Variants in BMPR2 observed in about 807,000 individuals in gnomAD.
BMPR2 encodes bone morphogenetic protein receptor type-2.
In BMPR2, 29 loss-of-function variants were observed where a neutral mutation model predicts 100.8. That is an observed-to-expected ratio of 0.29 (90% CI 0.21 to 0.39). The LOEUF (loss-of-function observed/expected upper bound fraction) is 0.39, where lower values mean the gene tolerates loss of function less well. Ranked by LOEUF, BMPR2 falls within the 10% of genes least tolerant of loss-of-function variation. The probability of loss-of-function intolerance (pLI) is 1.00; values close to 1 mark genes in which losing one functional copy is unlikely to be tolerated. For synonymous variants in BMPR2, 382 were observed against 442.3 expected, an observed-to-expected ratio of 0.86 and a Z score of 1.71; for missense variants, 1,011 against 1,274.5, an observed-to-expected ratio of 0.79 and a Z score of 3.15.
intron 3 of BMPR2, among the ~76,000 whole-genome samples, chr2:202,506,666 C>T (rs1328729086): frequency 4.0e-5 from 6 of 151,794 alleles, no homozygotes; most frequent in South Asian, 4.2e-4. Context: ...TTTGGGAGGC[C>T]GAGGCGGGTG....
intron 1 of BMPR2, among the ~76,000 whole-genome samples, chr2:202,385,361 CTTTTTT>C (rs1161944548): frequency 1.2e-5 from 1 of 86,338 alleles, no homozygotes; most frequent in South Asian, 3.8e-4. Context: ...AAAAAAGATG[CTTTTTT>C]TTTTTTTTTT....
chr2:202,491,587 C>T (rs1168805897), intron 3 of BMPR2, among the ~76,000 whole-genome samples: 1 of 152,020 alleles, frequency 6.6e-6, no homozygotes, highest in African/African-American at 2.4e-5. Context: ...CTACACCCAG[C>T]TAATTTTTGT....
At chr2:202,462,857 G>A (rs984268350) in intron 1 of BMPR2, among the ~76,000 whole-genome samples, 2 of 151,868 alleles carry the variant, frequency 1.3e-5, no homozygotes, top group African/African-American at 4.8e-5. Flanking sequence ...GATTACAGGC[G>A]TACACCACCA....
intron 3 of BMPR2, among the ~76,000 whole-genome samples, chr2:202,494,922 A>G (rs762478994): frequency 3.3e-5 from 5 of 152,132 alleles, no homozygotes; most frequent in Non-Finnish European, 7.4e-5. Flanking sequence ...GAAATGGGAA[A>G]AGTTCCCTTG....
chr2:202,488,219 AAT>A lies in BMPR2; in HGVS notation c.418+20533_418+20534del, dbSNP rs368019013. 1.8e-4 allele frequency among the ~76,000 whole-genome samples: 27 copies of A among 152,308 alleles called. No individual in the cohort carries two copies. In the East Asian group the frequency reaches 3.9e-3, roughly 22 times the overall value. On this transcript the variant is annotated intron_variant, in intron 3 of 12. Transcript: ENST00000374580. Reference sequence around the variant, plus strand: ...AACTCCTGTTGAGGGTATAAAGGTGAATATGTCAGGAAGGAATATGGGTAGAT... The same window carrying A: ...AACTCCTGTTGAGGGTATAAAGGTGAATGTCAGGAAGGAATATGGGTAGAT...
chr2:202,555,214 G>A (rs1171393822), intron 11 of BMPR2, 38 bp from the exon 12 acceptor site: 1 of 1,557,090 alleles, frequency 6.4e-7, no homozygotes, highest in Non-Finnish European at 8.8e-7. Flanking sequence ...TGTCATAAAT[G>A]TACGTTCTCA....
chr2:202,431,434 G>A (rs551725734), intron 1 of BMPR2, among the ~76,000 whole-genome samples: 2 of 150,684 alleles, frequency 1.3e-5, no homozygotes, highest in East Asian at 3.9e-4. Context: ...TTTCTAATCT[G>A]TAAAGTGATA....
At chr2:202,404,662 A>G (rs1690848216) in intron 1 of BMPR2, among the ~76,000 whole-genome samples, 1 of 152,184 alleles carries the variant, frequency 6.6e-6, no homozygotes, top group South Asian at 2.1e-4. Flanking sequence ...GGTTTGTTAC[A>G]TGGGTTGGGT....
rs560370731 is a variant in BMPR2, at chr2:202,377,992, A to G, written c.76+442A>G. Among the ~76,000 whole-genome samples the G allele has an allele frequency of 2.6e-5, 4 of 152,326 alleles. No individual in the cohort carries two copies. The South Asian group carries it at 8.3e-4, about 32-fold the overall frequency. ...ACATCAACTAGAGAACACACACTTGAACCTTATTTTGAAATTTAGATCACT... is the reference window on the plus strand; with the variant it reads ...ACATCAACTAGAGAACACACACTTGGACCTTATTTTGAAATTTAGATCACT... On this transcript the variant is annotated intron_variant, in intron 1 of 12. Transcript: ENST00000374580.
Position 202,555,386 on chromosome 2 carries a change from G to A in BMPR2, c.1721G>A (p.Ser574Asn), listed in dbSNP as rs1688547964. The A allele has an allele frequency of 1.2e-6, 2 of 1,613,974 alleles. No individual in the cohort carries two copies. The highest frequency in any genetic ancestry group is 1.7e-5 in the Admixed American group (1 of 59,978). ...ATTTCCTCTGAGCATTCTATGTCCA[G>A]CACACCTTTGACTATAGGGGAAAAA... ...KNISSEHSMS[S>N]TPLTIGEKNR... Residue 574 changes from serine (S) to asparagine (N), a missense_variant, in exon 12 of 13, where the codon AGC becomes AAC. By Grantham distance (46) the Ser-to-Asn change is conservative. Transcript: ENST00000374580.
rs1201308485 is a variant in BMPR2, at chr2:202,420,537, A to ATATT, written c.76+42988_76+42989insATTT. ...GTATGCAAACATCTGTAGAAGCATG[A>ATATT]TTTTTTTTTTTTTTTTTTTTTTTTT... On this transcript the variant is annotated intron_variant, in intron 1 of 12. Coordinates refer to ENST00000374580, the MANE Select transcript of BMPR2 (RefSeq NM_001204.7). Among the ~76,000 whole-genome samples, 21 of 59,014 alleles carry ATATT rather than the reference A, an allele frequency of 3.6e-4. 1 individual carries two copies. Among genetic ancestry groups the ATATT allele is most frequent in the Admixed American group, 2.7e-3 (11 of 4,114 alleles). 38.7% of individuals were successfully genotyped at this position (59,014 alleles called of 152,430 possible). A position where few individuals can be genotyped will look rare whatever the true frequency, so the allele number is the denominator to read the frequency against.
At chr2:202,520,053 C>CTTTT in intron 6 of BMPR2, 34 bp from the exon 7 acceptor site, 48 of 1,159,030 alleles carry the variant, frequency 4.1e-5, no homozygotes, top group Non-Finnish European at 5.3e-5. Flanking sequence ...TTAATTCTAC[C>CTTTT]TTTTTTTTTT....
rs762159742 is a variant in BMPR2 at position 202,552,878 on chromosome 2, C to A, written c.1576C>A (p.Gln526Lys). Residue 526 changes from glutamine to lysine, a missense_variant, in exon 11 of 13, where the codon CAG becomes AAG. Gln to Lys is a moderately conservative substitution (Grantham distance 53). Transcript: ENST00000374580. ...AGTCAATCCAATGTCTACTGCTATG[C>A]AGAATGAACGGTAAGACCCTAAGGG... ...PTVNPMSTAM[Q>K]NERNLSHNRR... The A allele has an allele frequency of 2.5e-6, 4 of 1,614,008 alleles. No individual in the cohort carries two copies. The highest frequency in any genetic ancestry group is 1.7e-6 in the Non-Finnish European group (2 of 1,180,034).
chr2:202,443,699 G>T (rs928567823), intron 1 of BMPR2, among the ~76,000 whole-genome samples: 6 of 150,522 alleles, frequency 4.0e-5, no homozygotes, highest in Middle Eastern at 3.4e-3. Context: ...AAGTAGCTGG[G>T]ATTACAGGCA....
intron 3 of BMPR2, among the ~76,000 whole-genome samples, chr2:202,484,462 C>T (rs563196771): frequency 2.6e-5 from 4 of 150,952 alleles, no homozygotes; most frequent in African/African-American, 9.7e-5. Flanking sequence ...ATCATGAGGT[C>T]AGGAGATCGA....
At chr2:202,527,394 A>C (rs1687934803) in intron 7 of BMPR2, among the ~76,000 whole-genome samples, 1 of 151,766 alleles carries the variant, frequency 6.6e-6, no homozygotes. Context: ...AGGCTGAGGC[A>C]GAAGAATCGC....
At chr2:202,496,691 T>C (rs1346597280) in intron 3 of BMPR2, among the ~76,000 whole-genome samples, 5 of 152,228 alleles carry the variant, frequency 3.3e-5, no homozygotes, top group African/African-American at 4.8e-5. Flanking sequence ...TTAGGTGCCT[T>C]TTGACCCTAT....
chr2:202,396,501 TCTCA>T (rs1410397375), intron 1 of BMPR2, among the ~76,000 whole-genome samples: 2 of 152,220 alleles, frequency 1.3e-5, no homozygotes, highest in African/African-American at 4.8e-5. Flanking sequence ...GGTAGATTCT[TCTCA>T]CTATTTTTAT....
intron 7 of BMPR2, among the ~76,000 whole-genome samples, chr2:202,529,971 A>G (rs1320472050): frequency 6.6e-6 from 1 of 152,184 alleles, no homozygotes; most frequent in Admixed American, 6.5e-5. Context: ...CAAGGTTTAT[A>G]TAAGATTTCC....
Sources: allele counts gnomAD v4.1 joint callset (sites outside exome capture counted in the v4.1 genomes callset), GRCh38; gene constraint gnomAD v4.1.1; transcripts MANE v1.5; gene names NCBI Gene and HGNC (gene_info 2026-07-23, HGNC 2026-07-21).